The following TRAK2 variants were observed in gnomAD, a reference collection of about 807,000 sequenced individuals.
TRAK2 encodes trafficking kinesin protein 2.
In TRAK2, 81 loss-of-function variants were observed where a neutral mutation model predicts 104.6. The observed-to-expected ratio is 0.77, with a 90% confidence interval of 0.65 to 0.93. The LOEUF is 0.93. Among genes scored for constraint, TRAK2 ranks in the 40% least tolerant of loss-of-function variants. TRAK2 has a pLI of 0.00. For missense variants in TRAK2, 1,002 were observed against 1,089.0 expected (o/e 0.92, Z 1.12); for synonymous variants, 406 against 394.4 (o/e 1.03, Z -0.35).
At chr2:201,411,095 G>C in intron 2 of TRAK2, 1 of 1,080,564 alleles carries the variant, frequency 9.3e-7, no homozygotes, top group South Asian at 1.3e-5. Context: ...GAACAGAAGT[G>C]AACGTACTTG....
intron 3 of TRAK2, among the ~76,000 whole-genome samples, chr2:201,402,921 A>T (rs952936210): frequency 6.6e-6 from 1 of 152,200 alleles, no homozygotes; most frequent in African/African-American, 2.4e-5. Context: ...AAAACCACCA[A>T]TCTGGGGTTA....
At chr2:201,404,483 T>G (rs764742876) in intron 3 of TRAK2, among the ~76,000 whole-genome samples, 30 of 152,190 alleles carry the variant, frequency 2.0e-4, no homozygotes, top group Non-Finnish European at 3.8e-4. Context: ...AATCTAATGT[T>G]CCTGAAAATA....
chr2:201,409,013 T>G (rs995385236), intron 2 of TRAK2, among the ~76,000 whole-genome samples: 4 of 152,156 alleles, frequency 2.6e-5, no homozygotes, highest in African/African-American at 9.7e-5. Flanking sequence ...GGGAAAAAGT[T>G]TCCTCTAAAA....
chr2:201,420,360 C>T (rs1486767457), intron 2 of TRAK2, 57 bp downstream of exon 2: 2 of 1,412,668 alleles, frequency 1.4e-6, no homozygotes, highest in Admixed American at 1.7e-5. Context: ...TGGACTGAGG[C>T]ATTTGCATTT....
rs769119408 is a variant in TRAK2 at position 201,389,374 on chromosome 2, A to C, written c.1323T>G (p.Pro441=). The change falls in exon 12 of 16, where the codon CCT becomes CCG. Residue 441 remains proline (P), a synonymous_variant. Coordinates refer to ENST00000332624, the MANE Select transcript of TRAK2 (RefSeq NM_015049.3). The part of the protein sequence containing the change: ...NRSSVIMTAK[P]FESGLQQTED... ...CTGTTTGCTGAAGACCAGACTCAAA[A>C]GGTTTTGCTGTCATGATGACACTTG... The C allele has an allele frequency of 1.5e-5, 25 of 1,614,010 alleles. No homozygotes were observed. Among genetic ancestry groups the C allele is most frequent in the Middle Eastern group, 1.6e-4 (1 of 6,084 alleles).
chr2:201,438,971 G>A (rs1429573981), intron 1 of TRAK2, among the ~76,000 whole-genome samples: 1 of 152,188 alleles, frequency 6.6e-6, no homozygotes, highest in African/African-American at 2.4e-5. Context: ...CATAAATTGG[G>A]AAGCATTCTG....
intron 10 of TRAK2, 34 bp from the exon 11 acceptor site, chr2:201,389,914 T>G: frequency 6.4e-7 from 1 of 1,553,792 alleles, no homozygotes; most frequent in Non-Finnish European, 8.9e-7. Flanking sequence ...CTAAAGTGAT[T>G]GTTGCCCTTA....
intron 10 of TRAK2, among the ~76,000 whole-genome samples, chr2:201,390,437 G>A (rs1393168955): frequency 4.0e-5 from 6 of 149,864 alleles, no homozygotes; most frequent in African/African-American, 7.3e-5. Flanking sequence ...GCTGGCGGGC[G>A]CCTGTAGTCC....
intron 2 of TRAK2, among the ~76,000 whole-genome samples, chr2:201,414,872 T>C (rs1003621962): frequency 2.6e-5 from 4 of 151,160 alleles, no homozygotes; most frequent in African/African-American, 9.7e-5. Context: ...GTGACATTCA[T>C]TACAAGAGAT....
intron 12 of TRAK2, among the ~76,000 whole-genome samples, chr2:201,388,459 T>A (rs1325461798): frequency 2.0e-5 from 3 of 152,126 alleles, no homozygotes; most frequent in African/African-American, 7.2e-5. Flanking sequence ...TTAAAAAATA[T>A]TAAAATATGA....
In TRAK2 at chr2:201,397,572, G is replaced by A. The variant is rs1291455137; in HGVS notation, c.699C>T (p.His233=). 3 of 1,611,700 alleles carry A rather than the reference G, an allele frequency of 1.9e-6. No homozygotes were observed. Among genetic ancestry groups the A allele is most frequent in the Non-Finnish European group, 2.5e-6 (3 of 1,178,474 alleles). Residue 233 remains histidine, a synonymous_variant, in exon 7 of 16, where the codon CAC becomes CAT. Coordinates refer to ENST00000332624, the MANE Select transcript of TRAK2 (RefSeq NM_015049.3). ...ENMALRSKAC[H]IKTETVTYEE... is the part of the protein sequence containing the mutation. Reference sequence around the variant, plus strand: ...CATAGGTAACAGTTTCTGTCTTTATGTGACAAGCCTTCAAGAAAAAAATCA... The same window carrying A: ...CATAGGTAACAGTTTCTGTCTTTATATGACAAGCCTTCAAGAAAAAAATCA...
intron 9 of TRAK2, among the ~76,000 whole-genome samples, chr2:201,394,142 TCTC>T (rs1257682070): frequency 1.3e-5 from 2 of 152,170 alleles, no homozygotes; most frequent in Admixed American, 6.5e-5. Context: ...TTTTGCTTCT[TCTC>T]CTGACACACC....
chr2:201,420,829 A>G (rs1053330711), intron 1 of TRAK2, 123 bp from the exon 2 acceptor site: 2 of 197,412 alleles, frequency 1.0e-5, no homozygotes, highest in African/African-American at 4.7e-5. Context: ...GATAAATCTC[A>G]TAATTATGCT....
rs1187002118 is a variant in TRAK2 at position 201,410,198 on chromosome 2, A to C, written c.92-2601T>G. On this transcript the variant is annotated intron_variant, in intron 2 of 15. Coordinates refer to ENST00000332624, the MANE Select transcript of TRAK2 (RefSeq NM_015049.3). ...GCGCCTGCAGTCCCAGCTACTAGGG[A>C]GGCTGAGGCAGGAGAATGGCGTGAA... 4.6e-5 allele frequency among the ~76,000 whole-genome samples: 7 copies of C among 151,838 alleles called. 1 individual carries two copies. The highest frequency in any genetic ancestry group is 4.6e-4 in the Admixed American group (7 of 15,270).
intron 3 of TRAK2, among the ~76,000 whole-genome samples, chr2:201,402,215 C>T (rs1951556427): frequency 6.6e-6 from 1 of 152,084 alleles, no homozygotes; most frequent in Non-Finnish European, 1.5e-5. Flanking sequence ...ATGATTCTGA[C>T]TTTAAATTCT....
At position 201,417,211 on chromosome 2, in the gene TRAK2, C is replaced by A. The variant is rs190697503; in HGVS notation, c.91+3206G>T. 4.6e-5 allele frequency among the ~76,000 whole-genome samples: 6 copies of A among 131,824 alleles called. No homozygotes were observed. The East Asian group carries it at 1.1e-3, about 24-fold the overall frequency. The allele number at this position is 131,824 out of a possible 152,430, so 86.5% of individuals were successfully genotyped here. On this transcript the variant is annotated intron_variant, in intron 2 of 15. Coordinates refer to ENST00000332624, the MANE Select transcript of TRAK2 (RefSeq NM_015049.3). ...AACTCGTTTTACAAGGCCAGTATTA[C>A]CTCAATATCAAAATAAAGCGAAGAC...
intron 1 of TRAK2, among the ~76,000 whole-genome samples, chr2:201,431,417 AG>A (rs1253999472): frequency 6.6e-6 from 1 of 152,228 alleles, no homozygotes; most frequent in Non-Finnish European, 1.5e-5. Context: ...TGGAGGCTCC[AG>A]GGAAAAATCA....
At chr2:201,395,585 CA>C in intron 7 of TRAK2, 141 bp from the exon 8 acceptor site, 1 of 844,352 alleles carries the variant, frequency 1.2e-6, no homozygotes, top group South Asian at 4.7e-5. Context: ...AAAAAAAATC[CA>C]GAGAAACCAA....
At chr2:201,403,290 G>T (rs939552420) in intron 3 of TRAK2, among the ~76,000 whole-genome samples, 3 of 152,146 alleles carry the variant, frequency 2.0e-5, no homozygotes, top group African/African-American at 7.2e-5. Context: ...TCACTTTCTT[G>T]TATGAGGAAT....
Sources: allele counts gnomAD v4.1 joint callset (sites outside exome capture counted in the v4.1 genomes callset), GRCh38; gene constraint gnomAD v4.1.1; transcripts MANE v1.5; gene names NCBI Gene and HGNC (gene_info 2026-07-23, HGNC 2026-07-21).